DMD: variants seen among roughly 807,000 people sequenced by gnomAD.
DMD encodes mutant dystrophin.
A neutral mutation model predicts 330.1 loss-of-function variants in DMD; 63 were observed. The observed-to-expected ratio is 0.19, with a 90% confidence interval of 0.16 to 0.24. The LOEUF is 0.24. DMD is among the 10% of genes least tolerant of loss of function. The pLI is 1.00. For missense variants in DMD, 3,344 were observed against 2,684.1 expected, an observed-to-expected ratio of 1.25 and a Z score of -5.43; for synonymous variants, 1,223 against 959.8, an observed-to-expected ratio of 1.27 and a Z score of -5.07.
chrX:32,114,354 C>T (rs1188463566), intron 44 of DMD, among the ~76,000 whole-genome samples: 2 of 111,228 alleles, frequency 1.8e-5, no homozygotes, highest in Non-Finnish European at 3.8e-5. Flanking sequence ...CCTGTGTAGC[C>T]CTTCTAAAAA....
At chrX:31,924,110 G>T (rs1451847790) in intron 47 of DMD, among the ~76,000 whole-genome samples, 2 of 109,933 alleles carry the variant, frequency 1.8e-5, no homozygotes, top group African/African-American at 6.6e-5. Context: ...TTTTTTTCCG[G>T]GGTTCCATAA....
chrX:31,515,263 T>C (rs1398317548), intron 55 of DMD, among the ~76,000 whole-genome samples: 2 of 111,832 alleles, frequency 1.8e-5, no homozygotes, highest in Non-Finnish European at 3.8e-5. Context: ...ACATCATGAA[T>C]AATCGTATCC....
intron 2 of DMD, among the ~76,000 whole-genome samples, chrX:32,894,851 C>G (rs1306240081): frequency 8.9e-6 from 1 of 112,245 alleles, no homozygotes. Flanking sequence ...TTTACAGAGT[C>G]AGATGTCAAC....
At chrX:32,241,617 T>C (rs2097208969) in intron 43 of DMD, among the ~76,000 whole-genome samples, 1 of 112,425 alleles carries the variant, frequency 8.9e-6, no homozygotes. Flanking sequence ...TGTGGTTCAG[T>C]GTCAAGTCTG....
At chrX:31,372,017 T>C (rs1263408130) in intron 60 of DMD, among the ~76,000 whole-genome samples, 1 of 111,841 alleles carries the variant, frequency 8.9e-6, no homozygotes, top group Non-Finnish European at 1.9e-5. Flanking sequence ...ATAACGTATG[T>C]CAAGTCCTTA....
intron 2 of DMD, among the ~76,000 whole-genome samples, chrX:32,973,998 G>T (rs777109128): frequency 9.0e-6 from 1 of 111,208 alleles, no homozygotes; most frequent in African/African-American, 3.3e-5. Context: ...CATACAAAAA[G>T]TCTACTGGAA....
chrX:31,419,038 G>A (rs761396471), intron 60 of DMD, among the ~76,000 whole-genome samples: 2 of 109,203 alleles, frequency 1.8e-5, no homozygotes, highest in African/African-American at 3.3e-5. Context: ...TCCGCCTCCC[G>A]GGTTCAAGCA....
At chrX:32,795,154 T>G (rs1445974124) in intron 7 of DMD, among the ~76,000 whole-genome samples, 1 of 111,713 alleles carries the variant, frequency 9.0e-6, no homozygotes, top group Non-Finnish European at 1.9e-5. Context: ...TCATAAAATT[T>G]GTACGATCAA....
chrX:32,240,748 C>T (rs141944094), intron 43 of DMD, among the ~76,000 whole-genome samples: 1,521 of 111,180 alleles, frequency 0.014, 25 homozygotes, highest in African/African-American at 0.046. Flanking sequence ...CTTCCATCAA[C>T]TAATCCTGTT....
intron 41 of DMD, among the ~76,000 whole-genome samples, chrX:32,333,995 A>C (rs1344606219): frequency 9.0e-6 from 1 of 111,038 alleles, no homozygotes; most frequent in Non-Finnish European, 1.9e-5. Context: ...ATTTGAAGTG[A>C]GGGGGTGAGG....
chrX:31,960,283 A>C (rs1162551753), intron 45 of DMD, among the ~76,000 whole-genome samples: 1 of 110,125 alleles, frequency 9.1e-6, no homozygotes, highest in East Asian at 2.8e-4. Flanking sequence ...GCCAAGGTAC[A>C]TGGTACCAGA....
At chrX:32,006,611 G>A (rs1305562423) in intron 44 of DMD, among the ~76,000 whole-genome samples, 1 of 111,148 alleles carries the variant, frequency 9.0e-6, no homozygotes, top group Non-Finnish European at 1.9e-5. Flanking sequence ...TTTTCAAGGG[G>A]GATGTGGTGG....
intron 44 of DMD, among the ~76,000 whole-genome samples, chrX:32,094,835 T>C (rs1282668399): frequency 8.9e-6 from 1 of 111,942 alleles, no homozygotes; most frequent in Admixed American, 9.5e-5. Flanking sequence ...GCTTAGTGGC[T>C]TGTGGCAGTA....
intron 64 of DMD, among the ~76,000 whole-genome samples, chrX:31,220,611 C>G (rs1028076257): frequency 3.6e-5 from 4 of 111,528 alleles, no homozygotes; most frequent in African/African-American, 1.3e-4. Flanking sequence ...TCACGCTACA[C>G]TTTCCTGGAG....
At position 33,276,838 on chromosome X, in the gene DMD, T is replaced by C. The variant is rs180774699; in HGVS notation, c.7+62421A>G. On this transcript the variant is annotated intron_variant, in intron 1 of 17. Transcript: ENST00000288447. ...TCACAGGAAGTTTCAAAAAATTGTA[T>C]AGGGAGGTTGAAGGTCCTGTGCACC... 5.0e-4 allele frequency among the ~76,000 whole-genome samples: 56 copies of C among 111,840 alleles called. 1 individual carries two copies. In the East Asian group the frequency reaches 0.014, roughly 28 times the overall value.
chrX:31,502,442 C>G (rs1174353268), intron 56 of DMD, among the ~76,000 whole-genome samples: 2 of 110,880 alleles, frequency 1.8e-5, no homozygotes, highest in Admixed American at 1.9e-4. Flanking sequence ...TAGACCCCAC[C>G]TCTTTTTGCC....
intron 11 of DMD, among the ~76,000 whole-genome samples, chrX:32,642,367 A>G (rs1271384454): frequency 2.7e-5 from 3 of 112,268 alleles, no homozygotes; most frequent in Non-Finnish European, 5.6e-5. Flanking sequence ...TGCCTTCTTA[A>G]TAATTATTCT....
intron 2 of DMD, among the ~76,000 whole-genome samples, chrX:32,942,147 GAGA>G (rs2090467080): frequency 1.1e-5 from 1 of 89,806 alleles, no homozygotes. Context: ...AAGAGAGACA[GAGA>G]AAGTGAAAGA....
intron 3 of DMD, among the ~76,000 whole-genome samples, chrX:32,849,284 T>C (rs1271104127): frequency 9.0e-6 from 1 of 111,555 alleles, no homozygotes. Flanking sequence ...GACAAGATAA[T>C]AGTTCAAGAG....
Sources: allele counts gnomAD v4.1 joint callset (sites outside exome capture counted in the v4.1 genomes callset), GRCh38; gene constraint gnomAD v4.1.1; transcripts MANE v1.5; gene names NCBI Gene and HGNC (gene_info 2026-07-23, HGNC 2026-07-21).